PTRHD1: variants seen among roughly 807,000 people sequenced by gnomAD.
PTRHD1 encodes peptidyl-tRNA hydrolase domain containing 1.
In PTRHD1, 12 loss-of-function variants were observed where a neutral mutation model predicts 13.6. The ratio of observed to expected loss-of-function variants is 0.88; its 90% CI spans 0.57 to 1.43. The LOEUF (loss-of-function observed/expected upper bound fraction) is 1.43. Among genes scored for constraint, PTRHD1 ranks in the 40% most tolerant of loss-of-function variants. The probability of loss-of-function intolerance (pLI) is 0.00; values close to 1 mark genes in which losing one functional copy is unlikely to be tolerated. For synonymous variants in PTRHD1, 86 were observed against 79.5 expected (o/e 1.08, Z -0.43); for missense variants, 203 against 184.7 (o/e 1.10, Z -0.57).
In PTRHD1 at chr2:24,793,303, C is replaced by T; in HGVS notation, c.75G>A (p.Leu25=). 6.2e-7 allele frequency: 1 copy of T among 1,613,946 alleles called. No individual in the cohort carries two copies. The change falls in exon 1 of 2, where the codon CTG becomes CTA. Residue 25 remains leucine, a synonymous_variant. Coordinates refer to ENST00000328379, the MANE Select transcript of PTRHD1 (RefSeq NM_001013663.2). The part of the protein sequence containing the change: ...MAASGAEPQV[L]VQYLVLRKDL... ...CCTTTCGTAACACCAAGTATTGTAC[C>T]AGGACCTGCGGCTCCGCCCCAGAGG...
At chr2:24,791,070 G>A (rs746120565) in intron 1 of PTRHD1, among the ~76,000 whole-genome samples, 4 of 151,774 alleles carry the variant, frequency 2.6e-5, no homozygotes, top group Non-Finnish European at 5.9e-5. Flanking sequence ...GATTACAGGC[G>A]CACACCACTA....
In PTRHD1 at chr2:24,790,489, G is replaced by A. The variant is rs377730875; in HGVS notation, c.345C>T (p.Ile115=). The change falls in exon 2 of 2, where the codon ATC becomes ATT. Residue 115 remains isoleucine, a synonymous_variant. Coordinates refer to ENST00000328379, the MANE Select transcript of PTRHD1 (RefSeq NM_001013663.2). ...AGGGCCGGAGAGCAATACAAGTGGC[G>A]ATATTCTCTGGTTGCTCAAGCCACA... ...HMLWLEQPEN[I]ATCIALRPYP... 24 of 1,614,034 alleles carry A rather than the reference G, an allele frequency of 1.5e-5. No homozygotes were observed. Among genetic ancestry groups the A allele is most frequent in the South Asian group, 7.7e-5 (7 of 91,090 alleles).
Position 24,790,336 on chromosome 2 carries a change from G to C in PTRHD1, c.*75C>G. 1 of 1,510,584 alleles carries C rather than the reference G, an allele frequency of 6.6e-7. No homozygotes were observed. 93.6% of individuals were successfully genotyped at this position (1,510,584 alleles called of 1,614,324 possible). ...AAATTGTCACAACTGAAAGACGGGA[G>C]CAAGCTGACACTGCAAGGAACACAT... On this transcript the variant is annotated 3_prime_UTR_variant, in exon 2 of 2. Transcript: ENST00000328379.
In PTRHD1 at chr2:24,792,981, C is replaced by T. The variant is rs1665671658; in HGVS notation, c.252+145G>A. 3 of 1,008,234 alleles carry T rather than the reference C, an allele frequency of 3.0e-6. No individual in the cohort carries two copies. In the East Asian group the frequency reaches 7.9e-5, roughly 26 times the overall value. 62.5% of individuals were successfully genotyped at this position (1,008,234 alleles called of 1,614,324 possible). On this transcript the variant is annotated intron_variant, in intron 1 of 1. Transcript: ENST00000328379. ...TCAGGCCCTTCCCAAGGGCGCACCT[C>T]CAGGGAAACAGCTCCAGTCTAAATG...
intron 1 of PTRHD1, 116 bp from the exon 2 acceptor site, chr2:24,790,697 A>C (rs776778758): frequency 1.7e-4 from 148 of 852,228 alleles, no homozygotes; most frequent in Admixed American, 7.1e-4. Context: ...TTTACCAAGG[A>C]GGGAGCTGCA....
At chr2:24,790,669 T>A in intron 1 of PTRHD1, 88 bp from the exon 2 acceptor site, 1 of 1,223,462 alleles carries the variant, frequency 8.2e-7, no homozygotes, top group Non-Finnish European at 1.1e-6. Context: ...TCCTCTTGCC[T>A]GAAAGTGGAG....
Position 24,790,453 on chromosome 2 carries a change from T to C in PTRHD1, c.381A>G (p.Glu127=). The stretch of plus-strand genomic sequence containing the variant: ...ACTTCTTCAAATACTGGCCCACTTC[T>C]TCCTTGGGGTAGGGCCGGAGAGCAA... ...TCIALRPYPK[E]EVGQYLKKFR... Residue 127 remains glutamate, a synonymous_variant, in exon 2 of 2, where the codon GAA becomes GAG. Transcript: ENST00000328379. 1 of 1,614,164 alleles carries C rather than the reference T, an allele frequency of 6.2e-7. No homozygotes were observed. Among genetic ancestry groups the C allele is most frequent in the African/African-American group, 1.3e-5 (1 of 75,044 alleles).
At chr2:24,791,636 G>A (rs968163105) in intron 1 of PTRHD1, 4 of 152,138 alleles carry the variant, frequency 2.6e-5, no homozygotes, top group Admixed American at 6.5e-5. Context: ...CTTCAGCCTC[G>A]GGCAGCAGCA....
At chr2:24,791,171 CACCT>C (rs1317749973) in intron 1 of PTRHD1, among the ~76,000 whole-genome samples, 3 of 152,068 alleles carry the variant, frequency 2.0e-5, no homozygotes, top group Non-Finnish European at 4.4e-5. Flanking sequence ...GCAATCCACC[CACCT>C]AAGCCTCCCA....
intron 1 of PTRHD1, among the ~76,000 whole-genome samples, chr2:24,791,758 T>A (rs1665631107): frequency 6.6e-6 from 1 of 152,212 alleles, no homozygotes; most frequent in African/African-American, 2.4e-5. Flanking sequence ...TTCGTCCCTT[T>A]ATAAAACAGG....
Position 24,790,579 on chromosome 2 carries a change from G to C in PTRHD1, c.255C>G (p.Ala85=). 6.2e-7 allele frequency: 1 copy of C among 1,612,108 alleles called. No homozygotes were observed. The highest frequency in any genetic ancestry group is 8.5e-7 in the Non-Finnish European group (1 of 1,179,122). The change falls in exon 2 of 2, where the codon GCC becomes GCG. Residue 85 remains alanine (A), a splice_region_variant and synonymous_variant. Coordinates refer to ENST00000328379, the MANE Select transcript of PTRHD1 (RefSeq NM_001013663.2). ...GCTCCTTTAGGGTGGTCTCATCTGG[G>C]GCCTAAAGGAGAAGAACACAGAACA... ...LGRMRKVVLE[A]PDETTLKELA... is the part of the protein sequence containing the mutation.
intron 1 of PTRHD1, 78 bp downstream of exon 1, chr2:24,793,048 C>G: frequency 6.7e-7 from 1 of 1,496,684 alleles, no homozygotes; most frequent in Non-Finnish European, 9.0e-7. Context: ...CTCCCCGCAG[C>G]CAGGCCTTCG....
intron 1 of PTRHD1, 88 bp downstream of exon 1, chr2:24,793,038 C>T: frequency 1.4e-6 from 2 of 1,460,310 alleles, no homozygotes; most frequent in Non-Finnish European, 9.2e-7. Flanking sequence ...GCCGCACCCA[C>T]TCCCCGCAGC....
Position 24,790,216 on chromosome 2 carries a change from A to G in PTRHD1, c.*195T>C. 1 of 594,320 alleles carries G rather than the reference A, an allele frequency of 1.7e-6. No individual in the cohort carries two copies. The highest frequency in any genetic ancestry group is 2.8e-6 in the Non-Finnish European group (1 of 352,360). The allele number at this position is 594,320 out of a possible 1,614,324, so 36.8% of individuals were successfully genotyped here. A position where few individuals can be genotyped will look rare whatever the true frequency, so the allele number is the denominator to read the frequency against. On this transcript the variant is annotated 3_prime_UTR_variant, in exon 2 of 2. Coordinates refer to ENST00000328379, the MANE Select transcript of PTRHD1 (RefSeq NM_001013663.2). ...TCTATTTGAGCAATGATCCCCAGAC[A>G]ATACTGCTCTCCCACCTTCCCCACT...
In PTRHD1 at chr2:24,793,357, C is replaced by G; in HGVS notation, c.21G>C (p.Pro7=). Residue 7 remains proline (P), a synonymous_variant, in exon 1 of 2, where the codon CCG becomes CCC. Transcript: ENST00000328379. ...CCATCTTCCTGACCACCCGAAAGGC[C>G]GGACCTACTCCCCGGTGCATCTTGG... MHRGVG[P]AFRVVRKMAA... The G allele has an allele frequency of 6.2e-7, 1 of 1,613,688 alleles. No individual in the cohort carries two copies. Among genetic ancestry groups the G allele is most frequent in the Non-Finnish European group, 8.5e-7 (1 of 1,180,016 alleles).
Position 24,790,558 on chromosome 2 carries a change from C to G in PTRHD1, c.276G>C (p.Lys92Asn). 6.2e-7 allele frequency: 1 copy of G among 1,614,046 alleles called. No homozygotes were observed. The highest frequency in any genetic ancestry group is 8.5e-7 in the Non-Finnish European group (1 of 1,179,996). ...VLEAPDETTL[K>N]ELAETLQQKN... Reference sequence around the variant, plus strand: ...TCTGTTGCAGGGTCTCGGCCAGCTCCTTTAGGGTGGTCTCATCTGGGGCCT... The same window carrying G: ...TCTGTTGCAGGGTCTCGGCCAGCTCGTTTAGGGTGGTCTCATCTGGGGCCT... Residue 92 changes from lysine (K) to asparagine (N), a missense_variant, in exon 2 of 2, where the codon AAG (lysine) becomes AAC (asparagine). Physicochemically the swap from Lys to Asn is moderately conservative, Grantham distance 94. Transcript: ENST00000328379.
In PTRHD1 at chr2:24,793,135, C is replaced by A. The variant is rs147683338; in HGVS notation, c.243G>T (p.Val81=). The change falls in exon 1 of 2, where the codon GTG becomes GTT. Residue 81 remains valine (V), a synonymous_variant. Coordinates refer to ENST00000328379, the MANE Select transcript of PTRHD1 (RefSeq NM_001013663.2). ...YLQELGRMRK[V]VLEAPDETTL... The stretch of plus-strand genomic sequence containing the variant: ...CGCCCGAGTGCCTCACCTCGAGGAC[C>A]ACTTTGCGCATGCGCCCCAGCTCTT... 3.0e-4 allele frequency: 489 copies of A among 1,612,184 alleles called. No homozygotes were observed. Among genetic ancestry groups the A allele is most frequent in the Non-Finnish European group, 4.0e-4 (476 of 1,179,178 alleles).
intron 1 of PTRHD1, chr2:24,792,749 A>C: frequency 4.1e-6 from 1 of 243,366 alleles, no homozygotes; most frequent in South Asian, 7.4e-5. Context: ...TTTATTTTCA[A>C]ATAATTTGGC....
At chr2:24,793,057 C>G (rs1479392552) in intron 1 of PTRHD1, 69 bp downstream of exon 1, 13 of 1,536,442 alleles carry the variant, frequency 8.5e-6, no homozygotes, top group East Asian at 4.7e-5. Context: ...GCCAGGCCTT[C>G]GGACCGAAGA....
Sources: allele counts gnomAD v4.1 joint callset (sites outside exome capture counted in the v4.1 genomes callset), GRCh38; gene constraint gnomAD v4.1.1; transcripts MANE v1.5; gene names NCBI Gene and HGNC (gene_info 2026-07-23, HGNC 2026-07-21).